Variants in OPA3 observed in about 807,000 individuals in gnomAD.
The protein encoded by OPA3 is optic atrophy 3 protein.
Under a neutral mutation model 4.0 loss-of-function variants are expected in OPA3, and 6 were observed. That is an observed-to-expected ratio of 1.51 (90% confidence interval 0.83 to 2.99). The LOEUF (loss-of-function observed/expected upper bound fraction) is 2.99, where lower values mean the gene tolerates loss of function less well. OPA3 is among the 30% of genes most tolerant of loss of function. The pLI, the probability that OPA3 is intolerant of heterozygous loss-of-function variation, is 0.00. For missense variants in OPA3, 235 were observed against 256.2 expected (o/e 0.92, Z 0.56); for synonymous variants, 105 against 117.1 (o/e 0.90, Z 0.67).
rs1296756561 is a variant in OPA3, at chr19:45,548,086, A to G, written c.*5428T>C. ...TGCTCCCAACTGGCTCCCAGCTACT[A>G]GAATGGAGCCTGGTGCAGTTGATCC... is the stretch of plus-strand genomic sequence containing the variant. On this transcript the variant is annotated 3_prime_UTR_variant, in exon 2 of 2. Transcript: ENST00000263275. 5 of 982,932 alleles carry G rather than the reference A, an allele frequency of 5.1e-6. No individual in the cohort carries two copies. The highest frequency in any genetic ancestry group is 9.4e-5 in the South Asian group (2 of 21,224). The allele number at this position is 982,932 out of a possible 1,614,324, so 60.9% of individuals were successfully genotyped here.
chr19:45,528,999 A>G, exon 2 of OPA3: 1 of 1,554,784 alleles, frequency 6.4e-7, no homozygotes, highest in Non-Finnish European at 8.7e-7. Flanking sequence ...ATAGGCCAAG[A>G]CAGAGACTTC....
chr19:45,562,339 A>T (rs1475427247), intron 1 of OPA3, among the ~76,000 whole-genome samples: 1 of 80,322 alleles, frequency 1.2e-5, no homozygotes. Context: ...GTGAGACTCC[A>T]TCTCAAAAAA....
Position 45,547,633 on chromosome 19 carries a change from G to GT in OPA3, c.*5880dup, listed in dbSNP as rs1969269621. The stretch of plus-strand genomic sequence containing the variant: ...CCACCTGTCTAGATCAGCGGTGCCC[G>GT]TAAGTCCGGAACTCCTACCCTGCCT... On this transcript the variant is annotated 3_prime_UTR_variant, in exon 2 of 2. Coordinates refer to ENST00000263275, the MANE Select transcript of OPA3 (RefSeq NM_025136.4). The GT allele has an allele frequency of 6.6e-6, 1 of 152,404 alleles. No homozygotes were observed. The highest frequency in any genetic ancestry group is 2.4e-5 in the African/African-American group (1 of 41,338). The allele number at this position is 152,404 out of a possible 1,614,324, so 9.4% of individuals were successfully genotyped here.
chr19:45,563,677 T>A (rs1430120287), intron 1 of OPA3, among the ~76,000 whole-genome samples: 1 of 151,624 alleles, frequency 6.6e-6, no homozygotes, highest in Non-Finnish European at 1.5e-5. Context: ...CACCTCAGCC[T>A]CCCAAGTAGC....
chr19:45,571,209 T>C (rs1969661591), intron 1 of OPA3, among the ~76,000 whole-genome samples: 1 of 152,124 alleles, frequency 6.6e-6, no homozygotes, highest in African/African-American at 2.4e-5. Flanking sequence ...AATGGTGCGA[T>C]CTTGGCACAC....
intron 1 of OPA3, among the ~76,000 whole-genome samples, chr19:45,563,479 AAG>A (rs1401561368): frequency 1.3e-5 from 2 of 151,878 alleles, no homozygotes; most frequent in African/African-American, 2.4e-5. Context: ...TTAAAAAGCC[AAG>A]AGAGACCCTC....
chr19:45,581,803 TTG>T (rs1969859452), intron 1 of OPA3, among the ~76,000 whole-genome samples: 1 of 152,076 alleles, frequency 6.6e-6, no homozygotes, highest in Non-Finnish European at 1.5e-5. Context: ...GGTGTTTTGT[TTG>T]TTTGTTTGAG....
Position 45,553,445 on chromosome 19 carries a change from G to C in OPA3, c.*69C>G. 6.2e-7 allele frequency: 1 copy of C among 1,604,458 alleles called. No homozygotes were observed. Among genetic ancestry groups the C allele is most frequent in the Non-Finnish European group, 8.5e-7 (1 of 1,179,742 alleles). ...TTCCACTGGGCCAGCGCAGGCAAGG[G>C]TGGTGCGGGAAGAAGGCCACGTTAG... On this transcript the variant is annotated 3_prime_UTR_variant, in exon 2 of 2. Coordinates refer to ENST00000263275, the MANE Select transcript of OPA3 (RefSeq NM_025136.4).
At chr19:45,571,426 C>A (rs931141948) in intron 1 of OPA3, among the ~76,000 whole-genome samples, 1 of 152,192 alleles carries the variant, frequency 6.6e-6, no homozygotes, top group African/African-American at 2.4e-5. Context: ...GGATTACAGG[C>A]ATGAGCCACC....
intron 1 of OPA3, among the ~76,000 whole-genome samples, chr19:45,563,982 G>A (rs2122471219): frequency 6.6e-6 from 1 of 152,040 alleles, no homozygotes; most frequent in East Asian, 1.9e-4. Flanking sequence ...GCACCACTGT[G>A]CCTGACCAAA....
chr19:45,571,452 C>G (rs902595448), intron 1 of OPA3, among the ~76,000 whole-genome samples: 12 of 152,068 alleles, frequency 7.9e-5, no homozygotes, highest in Non-Finnish European at 1.6e-4. Context: ...TGGCTGACTG[C>G]TAAATAATTT....
chr19:45,553,117 C>T lies in OPA3; in HGVS notation c.*397G>A. On this transcript the variant is annotated 3_prime_UTR_variant, in exon 2 of 2. Coordinates refer to ENST00000263275, the MANE Select transcript of OPA3 (RefSeq NM_025136.4). ...GATTGACAAAAAGAAGAAGGTGTTC[C>T]AGTGTAACAGATGAGTGTCCCAGTA... The T allele has an allele frequency of 8.6e-7, 1 of 1,156,284 alleles. No individual in the cohort carries two copies. The highest frequency in any genetic ancestry group is 1.1e-6 in the Non-Finnish European group (1 of 931,798). 71.6% of individuals were successfully genotyped at this position (1,156,284 alleles called of 1,614,324 possible).
intron 1 of OPA3, among the ~76,000 whole-genome samples, chr19:45,570,446 A>ACTGAGGTGGGCAGATCAC (rs2122488253): frequency 1.3e-5 from 2 of 152,060 alleles, no homozygotes; most frequent in East Asian, 1.9e-4. Flanking sequence ...ACTTTGGGAG[A>ACTGAGGTGGGCAGATCAC]CTGAGGTGGG....
intron 1 of OPA3, among the ~76,000 whole-genome samples, chr19:45,535,927 G>A (rs985174796): frequency 1.3e-5 from 2 of 151,686 alleles, no homozygotes; most frequent in Non-Finnish European, 2.9e-5. Flanking sequence ...GCCACACCCT[G>A]CTAGAAACTG....
chr19:45,533,090 C>G (rs1050065162), intron 1 of OPA3, among the ~76,000 whole-genome samples: 36 of 151,476 alleles, frequency 2.4e-4, no homozygotes, highest in Non-Finnish European at 7.4e-5. Flanking sequence ...GGGGTTTCAC[C>G]ATGTTGGTCA....
intron 1 of OPA3, among the ~76,000 whole-genome samples, chr19:45,580,174 T>G (rs8103353): frequency 0.67 from 100,078 of 150,312 alleles, 34,458 homozygotes; most frequent in Middle Eastern, 0.78. Flanking sequence ...TTTTTGTATT[T>G]TTAGTAGAGA....
chr19:45,540,742 G>A (rs902551658), intron 1 of OPA3, among the ~76,000 whole-genome samples: 1 of 151,660 alleles, frequency 6.6e-6, no homozygotes, highest in Non-Finnish European at 1.5e-5. Flanking sequence ...GGCGGAGAAT[G>A]CAGTGAGCCA....
At chr19:45,561,294 T>C (rs1463124510) in intron 1 of OPA3, among the ~76,000 whole-genome samples, 3 of 151,646 alleles carry the variant, frequency 2.0e-5, no homozygotes, top group East Asian at 1.9e-4. Flanking sequence ...GATCATGCCA[T>C]TGCACTCCAG....
At chr19:45,555,657 AT>A (rs1162138073) in intron 1 of OPA3, among the ~76,000 whole-genome samples, 2 of 151,938 alleles carry the variant, frequency 1.3e-5, no homozygotes, top group Non-Finnish European at 1.5e-5. Flanking sequence ...CGCCCAGCTA[AT>A]TTTTTTATAT....
Sources: allele counts gnomAD v4.1 joint callset (sites outside exome capture counted in the v4.1 genomes callset), GRCh38; gene constraint gnomAD v4.1.1; transcripts MANE v1.5; gene names NCBI Gene and HGNC (gene_info 2026-07-23, HGNC 2026-07-21).